The following IL17B variants were observed in gnomAD, a reference collection of about 807,000 sequenced individuals.
IL17B encodes the protein interleukin-17B.
In IL17B, 14 loss-of-function variants were observed where a neutral mutation model predicts 14.7. That is an observed-to-expected ratio of 0.95 (90% CI 0.63 to 1.49). IL17B has a LOEUF of 1.49. IL17B is among the 40% of genes most tolerant of loss of function. The probability of loss-of-function intolerance (pLI) is 0.00; values close to 1 mark genes in which losing one functional copy is unlikely to be tolerated. For missense variants in IL17B, 233 were observed against 252.8 expected (o/e 0.92, Z 0.53); for synonymous variants, 105 against 94.8 (o/e 1.11, Z -0.62).
chr5:149,393,356 T>C (rs548214638), intron 1 of IL17B, among the ~76,000 whole-genome samples: 1 of 152,166 alleles, frequency 6.6e-6, no homozygotes, highest in South Asian at 2.1e-4. Context: ...TGTGGCTCCG[T>C]ACAAATTAGC....
intron 1 of IL17B, among the ~76,000 whole-genome samples, chr5:149,386,037 C>T (rs2127619910): frequency 6.6e-6 from 1 of 152,280 alleles, no homozygotes; most frequent in Non-Finnish European, 1.5e-5. Context: ...AAGGCCTGCA[C>T]CCCGAACATT....
intron 1 of IL17B, among the ~76,000 whole-genome samples, chr5:149,385,531 G>A (rs1330931437): frequency 6.6e-6 from 1 of 152,232 alleles, no homozygotes; most frequent in African/African-American, 2.4e-5. Flanking sequence ...GGGCTGTCAG[G>A]CCTGCTGTAA....
At chr5:149,398,661 C>A (rs188059214) in intron 1 of IL17B, among the ~76,000 whole-genome samples, 1 of 152,208 alleles carries the variant, frequency 6.6e-6, no homozygotes, top group Admixed American at 6.5e-5. Flanking sequence ...AATCCCAGCA[C>A]TTTGGGAGGT....
At chr5:149,388,893 C>A (rs1168577355) in intron 1 of IL17B, among the ~76,000 whole-genome samples, 4 of 152,212 alleles carry the variant, frequency 2.6e-5, no homozygotes, top group Admixed American at 2.0e-4. Context: ...TTCCTTTGAG[C>A]AAATTCATCT....
intron 1 of IL17B, among the ~76,000 whole-genome samples, chr5:149,391,274 G>C (rs1397537896): frequency 6.6e-6 from 1 of 152,172 alleles, no homozygotes; most frequent in Non-Finnish European, 1.5e-5. Flanking sequence ...CGTTGGACCA[G>C]GATTTTGAAC....
chr5:149,379,924 T>C (rs949530826), upstream of IL17B, among the ~76,000 whole-genome samples: 6 of 152,188 alleles, frequency 3.9e-5, no homozygotes, highest in Non-Finnish European at 7.3e-5. Context: ...ATGTTGTTTT[T>C]CTTGGGAGAC....
At chr5:149,385,930 C>G (rs1758818151) in intron 1 of IL17B, among the ~76,000 whole-genome samples, 1 of 152,232 alleles carries the variant, frequency 6.6e-6, no homozygotes, top group Admixed American at 6.5e-5. Context: ...ACGTCAACAT[C>G]TCCCAGCAGC....
At chr5:149,383,499 G>A (rs1040153503), upstream of IL17B, among the ~76,000 whole-genome samples, 7 of 152,154 alleles carry the variant, frequency 4.6e-5, no homozygotes, top group Admixed American at 3.9e-4. Context: ...TGCTGGCTGC[G>A]ACCAGGAGGG....
intron 1 of IL17B, among the ~76,000 whole-genome samples, chr5:149,392,939 C>CGTGTGTGCATGT (rs764659268): frequency 0.11 from 15,951 of 149,686 alleles, 1,202 homozygotes; most frequent in Non-Finnish European, 0.16. Flanking sequence ...TGTGTACGTG[C>CGTGTGTGCATGT]GTGTGTGCGT....
chr5:149,379,260 C>T lies in IL17B; in HGVS notation c.-35G>A, dbSNP rs746886725. The T allele has an allele frequency of 6.2e-7, 1 of 1,613,466 alleles. No homozygotes were observed. The highest frequency in any genetic ancestry group is 1.1e-5 in the South Asian group (1 of 91,058). ...CTGCAAGGTCAGCCTGCAGCTGCTG[C>T]CCGCCTGGAACCCCAGATGCCGCCG... is the stretch of plus-strand genomic sequence containing the variant. On this transcript the variant is annotated 5_prime_UTR_variant, in exon 1 of 3. Transcript: ENST00000261796.
At chr5:149,391,785 G>T (rs1013334720) in intron 1 of IL17B, among the ~76,000 whole-genome samples, 15 of 152,210 alleles carry the variant, frequency 9.9e-5, no homozygotes, top group Admixed American at 2.0e-4. Flanking sequence ...ATAGAGGAGG[G>T]TGACTGACTG....
rs370514679 is a variant in IL17B at position 149,379,027 on chromosome 5, C to T, written c.21+178G>A. On this transcript the variant is annotated intron_variant, in intron 1 of 2. Coordinates refer to ENST00000261796, the MANE Select transcript of IL17B (RefSeq NM_014443.3). ...GAGCCCCGTTCAGGAGCCTGCACTG[C>T]TGGCCATGGCTACAGTGACCAGTCT... Among the ~76,000 whole-genome samples, 42 of 152,356 alleles carry T rather than the reference C, an allele frequency of 2.8e-4. 2 individuals carry two copies. In the East Asian group the frequency reaches 4.0e-3, roughly 15 times the overall value.
At chr5:149,391,369 A>G (rs928621130) in intron 1 of IL17B, among the ~76,000 whole-genome samples, 1 of 152,224 alleles carries the variant, frequency 6.6e-6, no homozygotes, top group Non-Finnish European at 1.5e-5. Flanking sequence ...GCTTAGAGGC[A>G]TGGAGAACCT....
chr5:149,400,149 G>A (rs115615735), intron 1 of IL17B, among the ~76,000 whole-genome samples: 45 of 152,224 alleles, frequency 3.0e-4, no homozygotes, highest in African/African-American at 1.1e-3. Flanking sequence ...TGCCACAGAT[G>A]TAATTAGTTA....
intron 1 of IL17B, among the ~76,000 whole-genome samples, chr5:149,386,990 G>A (rs1758838898): frequency 1.3e-5 from 2 of 152,200 alleles, no homozygotes; most frequent in African/African-American, 2.4e-5. Context: ...ACAGACATGA[G>A]CCACTGTGCG....
rs1758480965 is a variant in IL17B, at chr5:149,374,841, T to C, written c.312-241A>G. On this transcript the variant is annotated intron_variant, in intron 2 of 2. Coordinates refer to ENST00000261796, the MANE Select transcript of IL17B (RefSeq NM_014443.3). This position sits in a 1 kb window ranked among gnomAD's most constrained non-coding sequence, Gnocchi z 5.0. ...AAGGTCACCAGTCACCCAGCTTCCT[T>C]CTTTCGTGCAGCCAGATGCCCATCC... The C allele has an allele frequency of 2.0e-6, 1 of 491,130 alleles. No individual in the cohort carries two copies. Among genetic ancestry groups the C allele is most frequent in the Non-Finnish European group, 3.7e-6 (1 of 273,142 alleles). 30.4% of individuals were successfully genotyped at this position (491,130 alleles called of 1,614,324 possible).
At chr5:149,391,894 C>T (rs1758976654) in intron 1 of IL17B, among the ~76,000 whole-genome samples, 1 of 152,218 alleles carries the variant, frequency 6.6e-6, no homozygotes, top group Admixed American at 6.5e-5. Context: ...CATTAGTCCT[C>T]AGCCTCCTAC....
At chr5:149,386,409 G>A (rs1435917477) in intron 1 of IL17B, among the ~76,000 whole-genome samples, 1 of 152,118 alleles carries the variant, frequency 6.6e-6, no homozygotes, top group Non-Finnish European at 1.5e-5. Context: ...GATGGCCGTA[G>A]CCAAGGCCTC....
At chr5:149,390,070 AT>A (rs1758906371) in intron 1 of IL17B, among the ~76,000 whole-genome samples, 1 of 152,184 alleles carries the variant, frequency 6.6e-6, no homozygotes, top group Non-Finnish European at 1.5e-5. Flanking sequence ...GTTGGAAATC[AT>A]TTCTAATAAC....
Sources: gnomAD v4.1 joint callset for allele counts (sites outside exome capture counted in the v4.1 genomes callset) on GRCh38, gnomAD v4.1.1 for gene constraint, Gnocchi (gnomAD v3.1) non-coding constraint, MANE v1.5 for transcripts, NCBI Gene and HGNC (gene_info 2026-07-23, HGNC 2026-07-21) for gene names.